PALS2: variants seen among roughly 807,000 people sequenced by gnomAD.
The protein encoded by PALS2 is protein associated with LIN7 2, MAGUK p55 family member.
PALS2 carries 27 observed loss-of-function variants against 61.6 expected under a neutral mutation model. That is an observed-to-expected ratio of 0.44 (90% CI 0.32 to 0.60). PALS2 has a LOEUF of 0.60. Among genes scored for constraint, PALS2 ranks in the 20% least tolerant of loss-of-function variants. The pLI, the probability that PALS2 is intolerant of heterozygous loss-of-function variation, is 0.05. For synonymous variants in PALS2, 236 were observed against 218.6 expected (o/e 1.08, Z -0.70); for missense variants, 554 against 639.4 (o/e 0.87, Z 1.44).
chr7:24,635,813 G>A (rs1785207025), intron 2 of PALS2, among the ~76,000 whole-genome samples: 1 of 152,126 alleles, frequency 6.6e-6, no homozygotes, highest in Non-Finnish European at 1.5e-5. Context: ...TCAGCCTGCT[G>A]ATATTTAGAT....
intron 1 of PALS2, among the ~76,000 whole-genome samples, chr7:24,606,185 A>G (rs1783891617): frequency 6.6e-6 from 1 of 152,202 alleles, no homozygotes; most frequent in African/African-American, 2.4e-5. Context: ...GTTAAGAATT[A>G]CTATGAATGA....
intron 9 of PALS2, 83 bp from the exon 10 acceptor site, chr7:24,679,048 C>T (rs1787775658): frequency 1.1e-5 from 14 of 1,269,056 alleles, no homozygotes; most frequent in South Asian, 5.2e-5. Context: ...AGTGGAAAAA[C>T]GTTAAGCCAC....
At chr7:24,576,863 G>T (rs1430692719) in intron 1 of PALS2, among the ~76,000 whole-genome samples, 1 of 152,140 alleles carries the variant, frequency 6.6e-6, no homozygotes. Flanking sequence ...CCGCAGAGGG[G>T]AAGTTCTTCC....
chr7:24,651,550 A>C (rs1209022961), intron 5 of PALS2, among the ~76,000 whole-genome samples: 1 of 152,232 alleles, frequency 6.6e-6, no homozygotes, highest in African/African-American at 2.4e-5. Flanking sequence ...GTGCTCAAGA[A>C]GTGGCTGCAC....
At chr7:24,660,810 G>A (rs1173596300) in intron 5 of PALS2, among the ~76,000 whole-genome samples, 1 of 152,232 alleles carries the variant, frequency 6.6e-6, no homozygotes, top group Non-Finnish European at 1.5e-5. Context: ...GTCCTCCCAA[G>A]AGGTTGAACC....
At chr7:24,620,585 GA>G (rs146673072) in intron 1 of PALS2, among the ~76,000 whole-genome samples, 3 of 147,380 alleles carry the variant, frequency 2.0e-5, no homozygotes, top group Admixed American at 6.7e-5. Context: ...ACACCAATTT[GA>G]AAAAAAAACA....
chr7:24,594,612 A>C (rs1202586541), intron 1 of PALS2, among the ~76,000 whole-genome samples: 3 of 152,072 alleles, frequency 2.0e-5, no homozygotes, highest in African/African-American at 7.2e-5. Context: ...GAGGAGAGGG[A>C]GACGAGGAAT....
intron 9 of PALS2, among the ~76,000 whole-genome samples, chr7:24,672,730 T>A (rs906201828): frequency 6.6e-6 from 1 of 152,214 alleles, no homozygotes; most frequent in Non-Finnish European, 1.5e-5. Flanking sequence ...AGAAATAAAC[T>A]GATTTTTGTG....
intron 1 of PALS2, among the ~76,000 whole-genome samples, chr7:24,606,309 G>C (rs969561588): frequency 2.0e-5 from 3 of 152,122 alleles, no homozygotes; most frequent in Admixed American, 1.3e-4. Context: ...AAAGGAAACA[G>C]ACTCCAAGAC....
chr7:24,668,443 A>T (rs1787139700), intron 8 of PALS2, 56 bp from the exon 9 acceptor site: 1 of 1,485,044 alleles, frequency 6.7e-7, no homozygotes, highest in African/African-American at 1.4e-5. Context: ...AATTGCAGAG[A>T]TTTCTTTCAT....
intron 9 of PALS2, 34 bp from the exon 10 acceptor site, chr7:24,679,097 C>A (rs748647233): frequency 1.9e-6 from 3 of 1,595,086 alleles, no homozygotes; most frequent in Non-Finnish European, 1.7e-6. Context: ...CCTAAAATTT[C>A]TTTGTACAAA....
chr7:24,588,933 G>A (rs948166503), intron 1 of PALS2, among the ~76,000 whole-genome samples: 6 of 152,170 alleles, frequency 3.9e-5, no homozygotes, highest in Non-Finnish European at 5.9e-5. Context: ...TGATGTTGAT[G>A]TAAACATATT....
At chr7:24,679,403 G>T (rs2128031542) in intron 10 of PALS2, 70 bp downstream of exon 10, 3 of 1,516,734 alleles carry the variant, frequency 2.0e-6, no homozygotes, top group East Asian at 4.5e-5. Context: ...GTGTGTCGGG[G>T]TTGTTGGGTT....
chr7:24,644,545 A>G (rs1481509004), intron 3 of PALS2, among the ~76,000 whole-genome samples: 3 of 151,780 alleles, frequency 2.0e-5, no homozygotes, highest in Non-Finnish European at 2.9e-5. Context: ...TATCCAATCT[A>G]TCATTGACAG....
chr7:24,584,455 GTCT>G (rs1336967667), intron 1 of PALS2, among the ~76,000 whole-genome samples: 1 of 149,528 alleles, frequency 6.7e-6, no homozygotes, highest in African/African-American at 2.5e-5. Flanking sequence ...CTGCATAAAT[GTCT>G]TCTTTTGAGA....
rs1786972057 is a variant in PALS2 at position 24,665,568 on chromosome 7, A to G, written c.784-20A>G. 3 of 1,608,658 alleles carry G rather than the reference A, an allele frequency of 1.9e-6. No individual in the cohort carries two copies. The highest frequency in any genetic ancestry group is 2.6e-6 in the Non-Finnish European group (3 of 1,175,416). ...CAAATTTTGGTCACTGAGATGTACA[A>G]TTCATTAATTTGATTCTAGGCTAGC... is the stretch of plus-strand genomic sequence containing the variant. On this transcript the variant is annotated intron_variant, in intron 6 of 11. Transcript: ENST00000222644.
intron 1 of PALS2, among the ~76,000 whole-genome samples, chr7:24,607,912 T>C (rs1434968114): frequency 6.6e-6 from 1 of 152,186 alleles, no homozygotes; most frequent in African/African-American, 2.4e-5. Context: ...TTCAATTTTG[T>C]CTGAAAGTTT....
At chr7:24,578,916 G>A (rs1422545431) in intron 1 of PALS2, among the ~76,000 whole-genome samples, 1 of 152,178 alleles carries the variant, frequency 6.6e-6, no homozygotes, top group Non-Finnish European at 1.5e-5. Flanking sequence ...GAAAAGAAAT[G>A]TGATATCTTT....
chr7:24,658,855 C>A (rs1786567066), intron 5 of PALS2, among the ~76,000 whole-genome samples: 1 of 151,988 alleles, frequency 6.6e-6, no homozygotes, highest in African/African-American at 2.4e-5. Context: ...GCACCCGGCC[C>A]TTCCAACTTC....
Sources: gnomAD v4.1 joint callset for allele counts (sites outside exome capture counted in the v4.1 genomes callset) on GRCh38, gnomAD v4.1.1 for gene constraint, MANE v1.5 for transcripts, NCBI Gene and HGNC (gene_info 2026-07-23, HGNC 2026-07-21) for gene names.